The following FNDC3B variants were observed in gnomAD, a reference collection of about 807,000 sequenced individuals.
FNDC3B encodes fibronectin type III domain-containing protein 3B.
A neutral mutation model predicts 151.5 loss-of-function variants in FNDC3B; 12 were observed. The ratio of observed to expected loss-of-function variants is 0.08; its 90% CI spans 0.05 to 0.13. The LOEUF is 0.13. Ranked by LOEUF, FNDC3B falls within the 10% of genes least tolerant of loss-of-function variation. FNDC3B has a pLI of 1.00. For missense variants in FNDC3B, 1,214 were observed against 1,505.3 expected (o/e 0.81, Z 3.20); for synonymous variants, 528 against 549.0 (o/e 0.96, Z 0.54).
chr3:172,267,929 T>C (rs1729008972), intron 6 of FNDC3B, among the ~76,000 whole-genome samples: 1 of 152,248 alleles, frequency 6.6e-6, no homozygotes, highest in African/African-American at 2.4e-5. Flanking sequence ...CAGAGTCTAA[T>C]AATTAATTTA....
At chr3:172,093,731 A>G (rs1718962765) in intron 1 of FNDC3B, among the ~76,000 whole-genome samples, 1 of 152,154 alleles carries the variant, frequency 6.6e-6, no homozygotes, top group African/African-American at 2.4e-5. Flanking sequence ...TAAGGTTCAG[A>G]AAAAGATCAA....
At chr3:172,055,573 G>A (rs1483335762) in intron 1 of FNDC3B, among the ~76,000 whole-genome samples, 1 of 152,100 alleles carries the variant, frequency 6.6e-6, no homozygotes, top group Non-Finnish European at 1.5e-5. Flanking sequence ...GAGAACAGAG[G>A]ATTCAAATAA....
intron 4 of FNDC3B, among the ~76,000 whole-genome samples, chr3:172,239,833 T>G (rs1727387753): frequency 6.8e-6 from 1 of 147,034 alleles, no homozygotes; most frequent in South Asian, 2.1e-4. Context: ...AATATAAATG[T>G]TTTTAGGAGA....
chr3:172,245,992 A>G (rs375766582), intron 4 of FNDC3B, among the ~76,000 whole-genome samples: 1 of 152,370 alleles, frequency 6.6e-6, no homozygotes, highest in South Asian at 2.1e-4. Flanking sequence ...ACACTGAAAT[A>G]TAACATAAAC....
chr3:172,078,126 C>T (rs970921534), intron 1 of FNDC3B, among the ~76,000 whole-genome samples: 5 of 152,038 alleles, frequency 3.3e-5, no homozygotes, highest in Non-Finnish European at 7.4e-5. Context: ...GATTACAGGC[C>T]GCCGCCACCA....
intron 23 of FNDC3B, among the ~76,000 whole-genome samples, chr3:172,364,197 A>G (rs974702505): frequency 6.6e-5 from 10 of 152,076 alleles, no homozygotes; most frequent in Non-Finnish European, 1.5e-4. Context: ...TGGGCTTTTT[A>G]TTTTACTGGC....
At chr3:172,188,797 G>A (rs1705492121) in intron 3 of FNDC3B, among the ~76,000 whole-genome samples, 1 of 152,048 alleles carries the variant, frequency 6.6e-6, no homozygotes, top group African/African-American at 2.4e-5. Context: ...CCTTTGTTTT[G>A]GATTCTATAT....
chr3:172,356,623 A>C (rs1164444600), intron 22 of FNDC3B, among the ~76,000 whole-genome samples: 1 of 152,208 alleles, frequency 6.6e-6, no homozygotes, highest in Non-Finnish European at 1.5e-5. Context: ...TTTCAGGAGC[A>C]GGAGCTTGGT....
rs777448467 is a variant in FNDC3B, at chr3:172,335,052, G to A, written c.1750G>A (p.Val584Ile). The A allele has an allele frequency of 3.7e-6, 6 of 1,611,170 alleles. No individual in the cohort carries two copies. The Admixed American group carries it at 5.0e-5, about 13-fold the overall frequency. The change falls in exon 15 of 26, where the codon GTT becomes ATT. Residue 584 changes from valine (V) to isoleucine (I), a missense_variant. Around this residue, in one of 7 missense-constraint regions of FNDC3B, gnomAD observed 380 missense variants for 420.9 expected, o/e 0.90. Coordinates refer to ENST00000415807, the MANE Select transcript of FNDC3B (RefSeq NM_022763.4). ...TACCAGACCGCTTGTCAAAGGCCCA[G>A]TTACATCTCATGGCTTTAGTGTCAA... ...PPTRPLVKGP[V>I]TSHGFSVKWD...
intron 4 of FNDC3B, among the ~76,000 whole-genome samples, chr3:172,234,004 G>T (rs572659455): frequency 1.3e-5 from 2 of 152,152 alleles, no homozygotes; most frequent in African/African-American, 2.4e-5. Flanking sequence ...TACAGACAGG[G>T]TTGGCAATGC....
chr3:172,061,048 C>T (rs1362140916), intron 1 of FNDC3B, among the ~76,000 whole-genome samples: 2 of 152,146 alleles, frequency 1.3e-5, no homozygotes, highest in Non-Finnish European at 2.9e-5. Context: ...TTCTATACCT[C>T]CTGAGCTCCT....
chr3:172,093,123 CTT>C (rs1491478462), intron 1 of FNDC3B, among the ~76,000 whole-genome samples: 1 of 150,498 alleles, frequency 6.6e-6, no homozygotes, highest in African/African-American at 2.4e-5. Flanking sequence ...TGGCCAGAAT[CTT>C]TTTTTAGAGA....
chr3:172,358,995 GGTGGT>G (rs1734233433), intron 22 of FNDC3B, among the ~76,000 whole-genome samples: 1 of 147,352 alleles, frequency 6.8e-6, no homozygotes. Context: ...TGGTGGTGGT[GGTGGT>G]GGTGGTGGTG....
intron 2 of FNDC3B, among the ~76,000 whole-genome samples, chr3:172,118,992 C>A (rs564755891): frequency 6.6e-6 from 1 of 151,644 alleles, no homozygotes; most frequent in South Asian, 2.1e-4. Flanking sequence ...CATGGTGAAA[C>A]CCCGTCTCTA....
At chr3:172,330,520 C>T in intron 12 of FNDC3B, 21 bp from the exon 13 acceptor site, 3 of 1,597,024 alleles carry the variant, frequency 1.9e-6, no homozygotes, top group Non-Finnish European at 2.6e-6. Context: ...TAACTGTGTG[C>T]CTCACTTTCT....
intron 3 of FNDC3B, among the ~76,000 whole-genome samples, chr3:172,147,356 T>A (rs1721970154): frequency 6.6e-6 from 1 of 151,944 alleles, no homozygotes; most frequent in South Asian, 2.1e-4. Flanking sequence ...TCTTACAACT[T>A]GCCACTTTTC....
chr3:172,162,613 G>A lies in FNDC3B; in HGVS notation c.187+29067G>A, dbSNP rs947944101. 5.3e-5 allele frequency among the ~76,000 whole-genome samples: 8 copies of A among 151,602 alleles called. No individual in the cohort carries two copies. In the South Asian group the frequency reaches 1.7e-3, roughly 32 times the overall value. Reference sequence around the variant, plus strand: ...TTATCTTCCCACCAGCAGTGTATGAGGGTTCCCGATTTCTTCACATTCTTG... The same window carrying A: ...TTATCTTCCCACCAGCAGTGTATGAAGGTTCCCGATTTCTTCACATTCTTG... On this transcript the variant is annotated intron_variant, in intron 3 of 25. Transcript: ENST00000415807.
intron 3 of FNDC3B, among the ~76,000 whole-genome samples, chr3:172,197,164 G>A (rs1724880546): frequency 6.6e-6 from 1 of 152,044 alleles, no homozygotes; most frequent in African/African-American, 2.4e-5. Flanking sequence ...CTGGGTGACA[G>A]AGTGAGACTC....
At chr3:172,269,261 T>G (rs973981027) in intron 6 of FNDC3B, among the ~76,000 whole-genome samples, 36 of 152,048 alleles carry the variant, frequency 2.4e-4, no homozygotes, top group African/African-American at 6.8e-4. Flanking sequence ...TTTCCTTTCC[T>G]TTTCCTTTTT....
Sources: allele counts gnomAD v4.1 joint callset (sites outside exome capture counted in the v4.1 genomes callset), GRCh38; gene constraint gnomAD v4.1.1; regional missense constraint gnomAD v4.1.1; transcripts MANE v1.5; gene names NCBI Gene and HGNC (gene_info 2026-07-23, HGNC 2026-07-21).